Variants in PCNX1 observed in about 807,000 individuals in gnomAD.
The protein encoded by PCNX1 is pecanex 1.
Under a neutral mutation model 242.2 loss-of-function variants are expected in PCNX1, and 78 were observed. That is an observed-to-expected ratio of 0.32 (90% CI 0.27 to 0.39). The LOEUF is 0.39. Among genes scored for constraint, PCNX1 ranks in the 10% least tolerant of loss-of-function variants. The pLI, the probability that PCNX1 is intolerant of heterozygous loss-of-function variation, is 1.00. For synonymous variants in PCNX1, 1,024 were observed against 1,032.9 expected (o/e 0.99, Z 0.17); for missense variants, 2,581 against 2,856.5 (o/e 0.90, Z 2.20).
At chr14:71,062,038 C>T (rs1431829577) in intron 26 of PCNX1, among the ~76,000 whole-genome samples, 1 of 152,148 alleles carries the variant, frequency 6.6e-6, no homozygotes, top group Non-Finnish European at 1.5e-5. Context: ...TGGACCATAA[C>T]ACCAAAAGGT....
rs576930000 is a variant in PCNX1 at position 70,924,745 on chromosome 14, C to T, written c.153+16742C>T. On this transcript the variant is annotated intron_variant, in intron 1 of 35. Transcript: ENST00000304743. ...TGGGCTGTAAGCACACACCCCACCA[C>T]GCCTGGGTAATTTTTGTATTTTTTG... Among the ~76,000 whole-genome samples, 65 of 152,040 alleles carry T rather than the reference C, an allele frequency of 4.3e-4. No homozygotes were observed. The South Asian group carries it at 0.012, about 28-fold the overall frequency.
chr14:70,962,305 T>G lies in PCNX1; in HGVS notation c.442T>G (p.Tyr148Asp). The change falls in exon 3 of 36, where the codon TAT (tyrosine) becomes GAT (aspartate). Residue 148 changes from tyrosine to aspartate, a missense_variant. This residue lies in a region of PCNX1 where 1,204 missense variants were observed against 1,216.7 expected (regional missense o/e 0.99). Coordinates refer to ENST00000304743, the MANE Select transcript of PCNX1 (RefSeq NM_014982.3). ...PPVGCSSRNS[Y>D]AGLDPSNQIG... ...AGTTGGTTGCAGTTCCAGAAATTCTTATGCCGGTCTAGATCCAAGCAACCA... is the reference window on the plus strand; with the variant it reads ...AGTTGGTTGCAGTTCCAGAAATTCTGATGCCGGTCTAGATCCAAGCAACCA... 1 of 1,612,762 alleles carries G rather than the reference T, an allele frequency of 6.2e-7. No homozygotes were observed. The highest frequency in any genetic ancestry group is 8.5e-7 in the Non-Finnish European group (1 of 1,178,784).
chr14:71,036,763 G>C lies in PCNX1; in HGVS notation c.3867+606G>C, dbSNP rs1015902543. 1.3e-4 allele frequency among the ~76,000 whole-genome samples: 20 copies of C among 152,162 alleles called. 1 individual carries two copies. Among genetic ancestry groups the C allele is most frequent in the Admixed American group, 9.2e-4 (14 of 15,280 alleles). ...GATTCGATTTTAATATTTGTCCGTA[G>C]TGCTGAAATACATGACTTTTTATTT... On this transcript the variant is annotated intron_variant, in intron 19 of 35. Coordinates refer to ENST00000304743, the MANE Select transcript of PCNX1 (RefSeq NM_014982.3).
rs763933386 is a variant in PCNX1 at position 71,019,117 on chromosome 14, C to T, written c.3105C>T (p.Phe1035=). 9.3e-6 allele frequency: 15 copies of T among 1,612,732 alleles called. No homozygotes were observed. Among genetic ancestry groups the T allele is most frequent in the African/African-American group, 2.7e-5 (2 of 74,828 alleles). ...IQGFFRDIWV[F]QFCLVIASCQ... ...GATTCTTCAGAGATATCTGGGTCTT[C>T]CAGTTCTGCCTCGTCATAGCCAGCT... Residue 1035 remains phenylalanine, a synonymous_variant, in exon 12 of 36, where the codon TTC becomes TTT. Coordinates refer to ENST00000304743, the MANE Select transcript of PCNX1 (RefSeq NM_014982.3).
intron 1 of PCNX1, among the ~76,000 whole-genome samples, chr14:70,935,295 C>T (rs986664454): frequency 1.1e-4 from 17 of 152,124 alleles, no homozygotes; most frequent in South Asian, 8.3e-4. Flanking sequence ...GCCTGTAATC[C>T]GAGCACTTTG....
At chr14:71,060,084 A>C (rs1473273916) in intron 26 of PCNX1, among the ~76,000 whole-genome samples, 3 of 152,214 alleles carry the variant, frequency 2.0e-5, no homozygotes, top group Non-Finnish European at 4.4e-5. Flanking sequence ...TTTTATCGTT[A>C]GATTCTTACA....
intron 2 of PCNX1, among the ~76,000 whole-genome samples, chr14:70,958,690 C>T (rs1428675617): frequency 2.6e-5 from 4 of 152,074 alleles, no homozygotes; most frequent in African/African-American, 9.7e-5. Flanking sequence ...GAAATTTCCT[C>T]CCACCAATAA....
intron 8 of PCNX1, among the ~76,000 whole-genome samples, chr14:71,006,439 A>G (rs2059670208): frequency 6.6e-6 from 1 of 152,028 alleles, no homozygotes; most frequent in Admixed American, 6.6e-5. Context: ...TCTATCAGGT[A>G]TAATTAATTG....
intron 16 of PCNX1, chr14:71,031,614 C>A: frequency 1.7e-6 from 1 of 590,476 alleles, no homozygotes; most frequent in Non-Finnish European, 3.1e-6. Flanking sequence ...ACTTAGGCAG[C>A]CCAGCTCTGC....
At chr14:70,914,321 C>A (rs1188099126) in intron 1 of PCNX1, among the ~76,000 whole-genome samples, 2 of 105,990 alleles carry the variant, frequency 1.9e-5, no homozygotes, top group African/African-American at 3.5e-5. Flanking sequence ...ATGTACCTTG[C>A]TGAATCTAAA....
chr14:70,975,359 G>A (rs1203939006), intron 5 of PCNX1, among the ~76,000 whole-genome samples: 1 of 152,022 alleles, frequency 6.6e-6, no homozygotes, highest in Non-Finnish European at 1.5e-5. Flanking sequence ...TACTTATCTT[G>A]AAAACTTTAA....
chr14:71,080,656 T>C (rs1413606834), intron 28 of PCNX1, among the ~76,000 whole-genome samples: 2 of 152,252 alleles, frequency 1.3e-5, no homozygotes, highest in Admixed American at 1.3e-4. Context: ...AGTTCACTCA[T>C]GATTTGGCCC....
chr14:71,023,246 A>AAC lies in PCNX1; in HGVS notation c.3183+15_3183+16insCA. ...TCTCCCAGACATGTAAGTCACTCTT[A>AAC]ATATGGCTGTACATTATAGGTCCTT... is the stretch of plus-strand genomic sequence containing the variant. On this transcript the variant is annotated intron_variant, in intron 13 of 35. Transcript: ENST00000304743. 2.6e-6 allele frequency: 4 copies of AAC among 1,567,942 alleles called. No homozygotes were observed. The highest frequency in any genetic ancestry group is 3.5e-6 in the Non-Finnish European group (4 of 1,138,338).
intron 1 of PCNX1, among the ~76,000 whole-genome samples, chr14:70,930,823 A>G (rs2056768905): frequency 6.6e-6 from 1 of 151,632 alleles, no homozygotes; most frequent in South Asian, 2.1e-4. Context: ...CAACATTGAG[A>G]GTACTTTTCT....
intron 20 of PCNX1, 142 bp from the exon 21 acceptor site, chr14:71,046,822 G>A (rs2060874079): frequency 7.3e-6 from 4 of 550,210 alleles, no homozygotes; most frequent in African/African-American, 1.9e-5. Context: ...CATAGAAGTT[G>A]ACAGTTGATT....
chr14:70,915,050 T>C (rs746257505), intron 1 of PCNX1, among the ~76,000 whole-genome samples: 8 of 152,218 alleles, frequency 5.3e-5, no homozygotes, highest in Non-Finnish European at 8.8e-5. Context: ...TAAGCCACCT[T>C]CACTCAGCAT....
chr14:70,982,695 A>G (rs1371363686), intron 6 of PCNX1, among the ~76,000 whole-genome samples: 1 of 152,238 alleles, frequency 6.6e-6, no homozygotes, highest in Admixed American at 6.5e-5. Context: ...TTATTGGTGA[A>G]GCAAATAAAT....
chr14:70,988,353 CATT>C (rs1188022222), intron 6 of PCNX1, among the ~76,000 whole-genome samples: 2 of 152,172 alleles, frequency 1.3e-5, no homozygotes, highest in African/African-American at 2.4e-5. Flanking sequence ...AAGTCAAAAA[CATT>C]ATTTTTAAAG....
chr14:70,974,426 C>T (rs897016573), intron 5 of PCNX1, among the ~76,000 whole-genome samples: 3 of 151,926 alleles, frequency 2.0e-5, no homozygotes, highest in Non-Finnish European at 2.9e-5. Flanking sequence ...AGCCACTGCA[C>T]CCAGCCAGTG....
Sources: gnomAD v4.1 joint callset for allele counts (sites outside exome capture counted in the v4.1 genomes callset) on GRCh38, gnomAD v4.1.1 for gene constraint, gnomAD v4.1.1 regional missense constraint, MANE v1.5 for transcripts, NCBI Gene and HGNC (gene_info 2026-07-23, HGNC 2026-07-21) for gene names.